The following ELF5 variants were observed in gnomAD, a reference collection of about 807,000 sequenced individuals.
ELF5 encodes ETS-related transcription factor Elf-5.
ELF5 carries 31 observed loss-of-function variants against 38.2 expected under a neutral mutation model. The ratio of observed to expected loss-of-function variants is 0.81; its 90% CI spans 0.61 to 1.10. The LOEUF is 1.10. Among genes scored for constraint, ELF5 ranks in the 50% least tolerant of loss-of-function variants. The pLI is 0.00. For missense variants in ELF5, 300 were observed against 306.6 expected (o/e 0.98, Z 0.16); for synonymous variants, 121 against 112.5 (o/e 1.08, Z -0.48).
At chr11:34,494,988 A>T (rs1010048231) in intron 2 of ELF5, among the ~76,000 whole-genome samples, 2 of 152,222 alleles carry the variant, frequency 1.3e-5, no homozygotes, top group Non-Finnish European at 1.5e-5. Context: ...TTAAGGATTC[A>T]TGGTGGACAG....
At chr11:34,508,514 A>G (rs1453187890) in intron 1 of ELF5, among the ~76,000 whole-genome samples, 3 of 149,076 alleles carry the variant, frequency 2.0e-5, no homozygotes, top group Non-Finnish European at 3.0e-5. Flanking sequence ...CAAAAAAATA[A>G]AAAATAAAAA....
chr11:34,479,465 G>T lies in ELF5; in HGVS notation c.*753C>A, dbSNP rs1398552356. On this transcript the variant is annotated 3_prime_UTR_variant, in exon 7 of 7. Coordinates refer to ENST00000257832, the MANE Select transcript of ELF5 (RefSeq NM_001422.4). ...AGGATGTCTGTGGAAGTTTTGCTGA[G>T]TGGTCAAAAAGATGCTCTGGTTAGG... 2 of 152,204 alleles carry T rather than the reference G, an allele frequency of 1.3e-5. No individual in the cohort carries two copies. Among genetic ancestry groups the T allele is most frequent in the Non-Finnish European group, 2.9e-5 (2 of 68,036 alleles). The allele number at this position is 152,204 out of a possible 1,614,324, so 9.4% of individuals were successfully genotyped here. A position where few individuals can be genotyped will look rare whatever the true frequency, so the allele number is the denominator to read the frequency against.
chr11:34,481,010 T>A lies in ELF5; in HGVS notation c.476-43A>T, dbSNP rs753717515. The A allele has an allele frequency of 1.0e-5, 14 of 1,355,916 alleles. No individual in the cohort carries two copies. The Admixed American group carries it at 1.6e-4, about 15-fold the overall frequency. The allele number at this position is 1,355,916 out of a possible 1,614,324, so 84.0% of individuals were successfully genotyped here. ...ACATTAACTATTTACCATTGTTTTT[T>A]AAATTAATTAATTAATTAATTAATT... On this transcript the variant is annotated intron_variant, in intron 5 of 6. Coordinates refer to ENST00000257832, the MANE Select transcript of ELF5 (RefSeq NM_001422.4).
At chr11:34,496,057 C>T (rs1850310745) in intron 2 of ELF5, among the ~76,000 whole-genome samples, 1 of 152,250 alleles carries the variant, frequency 6.6e-6, no homozygotes, top group Admixed American at 6.5e-5. Flanking sequence ...TCCCGTTTCC[C>T]TCCCCTCCCC....
chr11:34,496,795 G>A (rs902223197), intron 2 of ELF5, among the ~76,000 whole-genome samples: 4 of 152,128 alleles, frequency 2.6e-5, no homozygotes, highest in South Asian at 4.1e-4. Flanking sequence ...CACTTTACAC[G>A]TGAGGAGATT....
chr11:34,508,522 A>G (rs563353308), intron 1 of ELF5, among the ~76,000 whole-genome samples: 3 of 152,244 alleles, frequency 2.0e-5, no homozygotes, highest in East Asian at 3.9e-4. Context: ...TAAAAAATAA[A>G]AAATAAAAAA....
At chr11:34,499,473 G>T (rs936188592) in intron 2 of ELF5, among the ~76,000 whole-genome samples, 1 of 152,106 alleles carries the variant, frequency 6.6e-6, no homozygotes, top group Non-Finnish European at 1.5e-5. Flanking sequence ...TGAACTCCTG[G>T]GCTCAGGCAA....
chr11:34,493,817 T>A, intron 2 of ELF5, 105 bp from the exon 3 acceptor site: 1 of 1,016,048 alleles, frequency 9.8e-7, no homozygotes, highest in Non-Finnish European at 1.4e-6. Context: ...CCTCAGCCAA[T>A]AAGTTGAAAG....
At chr11:34,482,610 C>A (rs1176556626) in intron 4 of ELF5, 111 bp from the exon 5 acceptor site, 1 of 796,014 alleles carries the variant, frequency 1.3e-6, no homozygotes, top group Non-Finnish European at 2.0e-6. Flanking sequence ...GTAGAAGACA[C>A]CACATTAGGC....
chr11:34,505,110 G>A (rs1850579708), intron 2 of ELF5, among the ~76,000 whole-genome samples: 1 of 152,280 alleles, frequency 6.6e-6, no homozygotes, highest in Middle Eastern at 3.4e-3. Flanking sequence ...GAGGCCCAGG[G>A]CAAGTCACTT....
At chr11:34,487,986 C>T (rs748511598) in intron 4 of ELF5, among the ~76,000 whole-genome samples, 2 of 152,078 alleles carry the variant, frequency 1.3e-5, no homozygotes, top group Admixed American at 1.3e-4. Flanking sequence ...ACTGGCCATT[C>T]GCTGCTTGGA....
chr11:34,485,779 AG>A (rs1175443725), intron 4 of ELF5, among the ~76,000 whole-genome samples: 1 of 152,138 alleles, frequency 6.6e-6, no homozygotes, highest in Non-Finnish European at 1.5e-5. Context: ...AGGGGGCCAA[AG>A]TCATTACTGC....
intron 2 of ELF5, among the ~76,000 whole-genome samples, chr11:34,498,242 G>T (rs76195254): frequency 6.6e-6 from 1 of 152,124 alleles, no homozygotes; most frequent in African/African-American, 2.4e-5. Context: ...ACAGGGCCAG[G>T]CATATGGCAA....
At chr11:34,481,649 G>A (rs892332590) in intron 5 of ELF5, among the ~76,000 whole-genome samples, 1 of 152,176 alleles carries the variant, frequency 6.6e-6, no homozygotes, top group Non-Finnish European at 1.5e-5. Context: ...AGCCACAACT[G>A]TCTGGGTGGA....
chr11:34,494,718 G>A (rs1180981021), intron 2 of ELF5, among the ~76,000 whole-genome samples: 1 of 152,160 alleles, frequency 6.6e-6, no homozygotes, highest in Non-Finnish European at 1.5e-5. Flanking sequence ...TAGGTACTTG[G>A]TCAGGCTCTT....
At position 34,490,823 on chromosome 11, in the gene ELF5, G is replaced by A. The variant is rs113953029; in HGVS notation, c.356-764C>T. Among the ~76,000 whole-genome samples the A allele has an allele frequency of 1.9e-3, 291 of 152,270 alleles. 2 individuals are homozygous for A. Among genetic ancestry groups the A allele is most frequent in the Middle Eastern group, 0.014 (4 of 294 alleles). ...ACAGTTGTGATTTTTTATTCTTGGC[G>A]TCATGTTCTCATTGGTTTTGGTCAG... On this transcript the variant is annotated intron_variant, in intron 3 of 6. Transcript: ENST00000257832.
chr11:34,484,302 T>TACTA (rs370596698), intron 4 of ELF5, among the ~76,000 whole-genome samples: 2 of 151,652 alleles, frequency 1.3e-5, no homozygotes, highest in Non-Finnish European at 2.9e-5. Context: ...TACTATACTA[T>TACTA]ACTAACTATA....
At chr11:34,505,934 C>T (rs551462584) in intron 1 of ELF5, among the ~76,000 whole-genome samples, 181 bp from the exon 2 acceptor site, 1 of 152,336 alleles carries the variant, frequency 6.6e-6, no homozygotes, top group East Asian at 1.9e-4. Context: ...TTGCCATATC[C>T]TGTCTATCCC....
intron 6 of ELF5, 135 bp downstream of exon 6, chr11:34,480,637 C>T (rs1856914912): frequency 1.0e-6 from 1 of 993,044 alleles, no homozygotes; most frequent in Admixed American, 2.8e-5. Context: ...CTACCTGTAA[C>T]TAAGAACCAA....
Sources: allele counts gnomAD v4.1 joint callset (sites outside exome capture counted in the v4.1 genomes callset), GRCh38; gene constraint gnomAD v4.1.1; transcripts MANE v1.5; gene names NCBI Gene and HGNC (gene_info 2026-07-23, HGNC 2026-07-21).